PDXDC1: variants seen among roughly 807,000 people sequenced by gnomAD.
PDXDC1 encodes the protein pyridoxal dependent decarboxylase domain containing 1.
In PDXDC1, 42 loss-of-function variants were observed where a neutral mutation model predicts 100.1. The observed-to-expected ratio is 0.42, with a 90% confidence interval of 0.33 to 0.54. PDXDC1 has a LOEUF of 0.54. Ranked by LOEUF, PDXDC1 falls within the 20% of genes least tolerant of loss-of-function variation. The pLI is 0.10. For missense variants in PDXDC1, 636 were observed against 979.2 expected (o/e 0.65, Z 4.68); for synonymous variants, 260 against 371.7 (o/e 0.70, Z 3.46).
rs113527217 is a variant in PDXDC1, at chr16:15,095,861, GGTGTGT to G, written c.1400-42991_1400-42986del. On this transcript the variant is annotated intron_variant, in intron 16 of 16. Transcript: ENST00000535621. Reference sequence around the variant, plus strand: ...GAAACTGTGTCTCAAAAAAAAAAAAGGTGTGTGTGTGTGTGTGTGTGTGTGTGTGTG... The same window carrying G: ...GAAACTGTGTCTCAAAAAAAAAAAAGGTGTGTGTGTGTGTGTGTGTGTGTG... 2.0e-3 allele frequency among the ~76,000 whole-genome samples: 263 copies of G among 134,392 alleles called. 1 individual carries two copies. The highest frequency in any genetic ancestry group is 3.0e-3 in the Non-Finnish European group (188 of 62,950). 88.2% of individuals were successfully genotyped at this position (134,392 alleles called of 152,430 possible). A position where few individuals can be genotyped will look rare whatever the true frequency, so the allele number is the denominator to read the frequency against.
chr16:14,986,947 A>G (rs553446732), intron 1 of PDXDC1, among the ~76,000 whole-genome samples: 17 of 152,404 alleles, frequency 1.1e-4, no homozygotes, highest in Non-Finnish European at 1.5e-4. Flanking sequence ...GGGTTTCACC[A>G]TGTTGGCCAG....
At chr16:15,100,498 C>A (rs537020784) in intron 16 of PDXDC1, among the ~76,000 whole-genome samples, 10 of 152,132 alleles carry the variant, frequency 6.6e-5, no homozygotes, top group African/African-American at 2.4e-4. Flanking sequence ...TTGGGCCAAC[C>A]AGATACTTCT....
intron 3 of PDXDC1, among the ~76,000 whole-genome samples, chr16:15,000,456 CCT>C (rs1223074212): frequency 3.9e-5 from 6 of 152,410 alleles, no homozygotes; most frequent in African/African-American, 1.4e-4. Flanking sequence ...GCCCAGAGCC[CCT>C]CTCACTTGAA....
intron 8 of PDXDC1, among the ~76,000 whole-genome samples, chr16:15,011,488 G>A (rs2041258380): frequency 6.6e-6 from 1 of 152,258 alleles, no homozygotes; most frequent in African/African-American, 2.4e-5. Flanking sequence ...TGTGACCTTA[G>A]GTTACATTTC....
intron 13 of PDXDC1, among the ~76,000 whole-genome samples, chr16:15,023,175 A>G (rs1160959661): frequency 6.6e-6 from 1 of 152,284 alleles, no homozygotes; most frequent in Non-Finnish European, 1.5e-5. Flanking sequence ...CATTTGCATG[A>G]AGTGGGAGAA....
chr16:15,047,383 G>T, intron 16 of PDXDC1: 1 of 1,109,378 alleles, frequency 9.0e-7, no homozygotes, highest in Non-Finnish European at 1.4e-6. Context: ...CCACAGCCAC[G>T]TCCTGTATGC....
rs1394107628 is a variant in PDXDC1 at position 15,084,629 on chromosome 16, A to G, written c.1400-54250A>G. On this transcript the variant is annotated intron_variant, in intron 16 of 16. Transcript: ENST00000535621. ...GAGAATTAAACATTCAAAATAAGGA[A>G]AAGTATACTCACGATGGTACATATC... 3 of 1,565,820 alleles carry G rather than the reference A, an allele frequency of 1.9e-6. No individual in the cohort carries two copies. In the East Asian group the frequency reaches 6.7e-5, roughly 35 times the overall value.
rs2047629526 is a variant in PDXDC1 at position 15,125,042 on chromosome 16, G to A, written c.1400-13837G>A. On this transcript the variant is annotated intron_variant, in intron 16 of 16. Coordinates refer to the PDXDC1 transcript ENST00000535621. ...CACGCCTGTAACCCCAGCTACTCAGGAGGCTGAGGCAGGACAATCCCTTGA... is the reference window on the plus strand; with the variant it reads ...CACGCCTGTAACCCCAGCTACTCAGAAGGCTGAGGCAGGACAATCCCTTGA... Among the ~76,000 whole-genome samples, 3 of 150,282 alleles carry A rather than the reference G, an allele frequency of 2.0e-5. No individual in the cohort carries two copies. In the South Asian group the frequency reaches 6.3e-4, roughly 31 times the overall value.
chr16:15,095,866 G>A (rs2046339241), intron 16 of PDXDC1, among the ~76,000 whole-genome samples: 1 of 124,540 alleles, frequency 8.0e-6, no homozygotes, highest in South Asian at 2.4e-4. Context: ...AAAAAGGTGT[G>A]TGTGTGTGTG....
intron 16 of PDXDC1, among the ~76,000 whole-genome samples, chr16:15,084,080 C>G (rs2045815665): frequency 6.6e-6 from 1 of 152,230 alleles, no homozygotes; most frequent in African/African-American, 2.4e-5. Context: ...AAATAAGGTT[C>G]TGTTAACTCT....
chr16:15,147,637 C>T, the PDXDC1 span, among the ~76,000 whole-genome samples: 1 of 152,172 alleles, frequency 6.6e-6, no homozygotes, highest in Non-Finnish European at 1.5e-5. Flanking sequence ...AGCGATTCTC[C>T]TGCCTCAGCC....
At chr16:15,111,126 A>T (rs9745519) in intron 16 of PDXDC1, among the ~76,000 whole-genome samples, 6 of 11,190 alleles carry the variant, frequency 5.4e-4, no homozygotes, top group African/African-American at 8.5e-4. Flanking sequence ...AGACTCTGTC[A>T]CACACACACA....
At chr16:15,149,933 G>A in the PDXDC1 span, among the ~76,000 whole-genome samples, 5 of 152,148 alleles carry the variant, frequency 3.3e-5, no homozygotes, top group Non-Finnish European at 5.9e-5. Context: ...ACAGCACCAC[G>A]GAGGAGACAC....
downstream of PDXDC1, chr16:15,041,623 C>T: frequency 6.2e-7 from 1 of 1,608,200 alleles, no homozygotes; most frequent in Non-Finnish European, 8.5e-7. Flanking sequence ...CAGGACTTAC[C>T]TGTCACACAT....
intron 16 of PDXDC1, chr16:15,104,719 A>G (rs1567253615): frequency 1.3e-6 from 2 of 1,597,408 alleles, no homozygotes; most frequent in Non-Finnish European, 1.7e-6. Flanking sequence ...CAGCAGGGCA[A>G]TCCTGAAGAA....
chr16:15,056,534 G>T (rs1160964344), intron 16 of PDXDC1, among the ~76,000 whole-genome samples: 2 of 152,082 alleles, frequency 1.3e-5, no homozygotes, highest in Non-Finnish European at 2.9e-5. Flanking sequence ...CCAGCACTTT[G>T]GGGGGCCGAG....
chr16:15,001,681 CTT>C (rs1219814294), intron 3 of PDXDC1, 93 bp from the exon 4 acceptor site: 2 of 1,050,716 alleles, frequency 1.9e-6, no homozygotes, highest in Non-Finnish European at 2.7e-6. Flanking sequence ...AAAAAAAAAA[CTT>C]GAAGCAACGC....
intron 16 of PDXDC1, chr16:15,080,165 C>A: frequency 6.7e-7 from 1 of 1,499,418 alleles, no homozygotes; most frequent in South Asian, 1.3e-5. Context: ...GTAAGCAAAA[C>A]ATCAATTACA....
chr16:15,131,121 C>T, intron 16 of PDXDC1: 3 of 1,606,196 alleles, frequency 1.9e-6, no homozygotes, highest in East Asian at 2.2e-5. Flanking sequence ...GCAGATGCAG[C>T]ACGGCCGCAG....
Sources: allele counts gnomAD v4.1 joint callset (sites outside exome capture counted in the v4.1 genomes callset), GRCh38; gene constraint gnomAD v4.1.1; transcripts MANE v1.5; gene names NCBI Gene and HGNC (gene_info 2026-07-23, HGNC 2026-07-21).